The following THNSL1 variants were observed in gnomAD, a reference collection of about 807,000 sequenced individuals.
THNSL1 encodes the protein threonine synthase-like 1.
In THNSL1, 48 loss-of-function variants were observed where a neutral mutation model predicts 50.4. The ratio of observed to expected loss-of-function variants is 0.95; its 90% confidence interval spans 0.76 to 1.21. The LOEUF is 1.21. THNSL1 is among the 50% of genes most tolerant of loss of function. THNSL1 has a pLI of 0.00. For synonymous variants in THNSL1, 309 were observed against 306.1 expected (o/e 1.01, Z -0.10); for missense variants, 896 against 871.7 (o/e 1.03, Z -0.35).
chr10:24,996,558 C>T, the THNSL1 span, among the ~76,000 whole-genome samples: 1 of 151,996 alleles, frequency 6.6e-6, no homozygotes, highest in East Asian at 1.9e-4. Context: ...TCCCATTGAT[C>T]TATTTTAATA....
the THNSL1 span, among the ~76,000 whole-genome samples, chr10:25,001,680 T>C: frequency 2.6e-5 from 4 of 152,328 alleles, no homozygotes; most frequent in Middle Eastern, 3.4e-3. Context: ...CTACATTTTG[T>C]ATATGGTATT....
At chr10:25,021,090 GA>G (rs1850709619) in intron 1 of THNSL1, among the ~76,000 whole-genome samples, 1 of 152,178 alleles carries the variant, frequency 6.6e-6, no homozygotes, top group African/African-American at 2.4e-5. Context: ...GGTATTCTCT[GA>G]AGGTTTATAA....
intron 1 of THNSL1, among the ~76,000 whole-genome samples, chr10:25,017,466 G>T (rs1174558934): frequency 6.6e-6 from 1 of 152,064 alleles, no homozygotes; most frequent in African/African-American, 2.4e-5. Flanking sequence ...CTTGAGTCTG[G>T]GTTTCTCACT....
At chr10:24,963,222 T>C in the THNSL1 span, among the ~76,000 whole-genome samples, 3 of 152,228 alleles carry the variant, frequency 2.0e-5, no homozygotes, top group Non-Finnish European at 2.9e-5. Context: ...ATAGACAGAA[T>C]GCCTTAGCAA....
chr10:25,018,658 TG>T lies in THNSL1; in HGVS notation c.-216+1967del, dbSNP rs1286745652. Reference sequence around the variant, plus strand: ...GTGATGTACATAAACAAATGAGAGTTGTTTTTTTTTTTTTTTTTTTTGCGAA... The same window carrying T: ...GTGATGTACATAAACAAATGAGAGTTTTTTTTTTTTTTTTTTTTTTGCGAA... On this transcript the variant is annotated intron_variant, in intron 1 of 2. Transcript: ENST00000376356. 1.6e-3 allele frequency among the ~76,000 whole-genome samples: 182 copies of T among 113,844 alleles called. 4 individuals carry two copies. Among genetic ancestry groups the T allele is most frequent in the Middle Eastern group, 0.012 (3 of 244 alleles). 74.7% of individuals were successfully genotyped at this position (113,844 alleles called of 152,430 possible). A position where few individuals can be genotyped will look rare whatever the true frequency, so the allele number is the denominator to read the frequency against.
upstream of THNSL1, among the ~76,000 whole-genome samples, chr10:25,013,547 A>C (rs1050495528): frequency 6.6e-6 from 1 of 152,236 alleles, no homozygotes; most frequent in Admixed American, 6.5e-5. Context: ...TATGGAAAGG[A>C]GATAATGGTT....
the THNSL1 span, among the ~76,000 whole-genome samples, chr10:24,988,777 G>C: frequency 6.8e-6 from 1 of 146,968 alleles, no homozygotes; most frequent in Non-Finnish European, 1.5e-5. Context: ...AGATGATCCT[G>C]TCCAGGTATA....
At chr10:24,958,132 C>G in the THNSL1 span, among the ~76,000 whole-genome samples, 1 of 152,154 alleles carries the variant, frequency 6.6e-6, no homozygotes, top group Admixed American at 6.5e-5. Context: ...TCTTTCTGCA[C>G]TAGACTGGAA....
chr10:24,960,941 T>C, the THNSL1 span, among the ~76,000 whole-genome samples: 1 of 152,212 alleles, frequency 6.6e-6, no homozygotes, highest in Non-Finnish European at 1.5e-5. Flanking sequence ...CCTTCCTCAG[T>C]TGGGACTGTA....
At chr10:25,016,169 T>C, upstream of THNSL1, 1 of 1,192,836 alleles carries the variant, frequency 8.4e-7, no homozygotes, top group Non-Finnish European at 1.0e-6. Flanking sequence ...GCGGTTGCCG[T>C]GGAAACCGTT....
At chr10:24,990,358 A>G in the THNSL1 span, 1 of 1,425,514 alleles carries the variant, frequency 7.0e-7, no homozygotes, top group Non-Finnish European at 9.4e-7. Flanking sequence ...GATTGTTCTG[A>G]TTTCAAAATC....
the THNSL1 span, among the ~76,000 whole-genome samples, chr10:25,007,821 A>C: frequency 6.6e-6 from 1 of 152,074 alleles, no homozygotes; most frequent in Non-Finnish European, 1.5e-5. Context: ...TCCTTGCTGA[A>C]AAAAATCCTG....
At chr10:24,974,235 A>G in the THNSL1 span, among the ~76,000 whole-genome samples, 1 of 152,206 alleles carries the variant, frequency 6.6e-6, no homozygotes, top group African/African-American at 2.4e-5. Flanking sequence ...TCTTTTAAAC[A>G]TTTGAATAAA....
At chr10:25,012,660 A>T (rs1850478413), upstream of THNSL1, among the ~76,000 whole-genome samples, 1 of 152,196 alleles carries the variant, frequency 6.6e-6, no homozygotes, top group Non-Finnish European at 1.5e-5. Flanking sequence ...TCGAATGGTT[A>T]TATTTACCCA....
At chr10:24,977,050 C>T in the THNSL1 span, among the ~76,000 whole-genome samples, 1 of 152,090 alleles carries the variant, frequency 6.6e-6, no homozygotes, top group Admixed American at 6.5e-5. Context: ...TCAATGAAAG[C>T]ATTGCTTTCT....
At chr10:24,958,211 A>G in the THNSL1 span, among the ~76,000 whole-genome samples, 1 of 152,172 alleles carries the variant, frequency 6.6e-6, no homozygotes, top group East Asian at 1.9e-4. Context: ...AAAACCTTTC[A>G]GTCTGGGAAT....
At chr10:25,020,346 A>G (rs1850695242) in intron 1 of THNSL1, among the ~76,000 whole-genome samples, 1 of 152,062 alleles carries the variant, frequency 6.6e-6, no homozygotes, top group South Asian at 2.1e-4. Context: ...GTAGAGGGGA[A>G]CTAACATATA....
At chr10:25,016,149 C>A, upstream of THNSL1, 4 of 1,219,958 alleles carry the variant, frequency 3.3e-6, no homozygotes, top group Non-Finnish European at 4.1e-6. Context: ...TGCTAAGCGT[C>A]GTTGACTGTG....
rs753105385 is a variant in THNSL1, at chr10:25,023,453, A to G, written c.230A>G (p.Gln77Arg). 1.9e-6 allele frequency: 3 copies of G among 1,614,194 alleles called. No individual in the cohort carries two copies. The highest frequency in any genetic ancestry group is 2.5e-6 in the Non-Finnish European group (3 of 1,180,010). ...GKTTVGRIIG[Q>R]KLGCCVIDVD... The stretch of plus-strand genomic sequence containing the variant: ...ACAACAGTAGGCAGAATAATAGGTC[A>G]GAAACTAGGTTGTTGTGTCATAGAT... Residue 77 changes from glutamine to arginine, a missense_variant, in exon 3 of 3, where the codon CAG (glutamine) becomes CGG (arginine). Transcript: ENST00000376356.
Sources: gnomAD v4.1 joint callset for allele counts (sites outside exome capture counted in the v4.1 genomes callset) on GRCh38, gnomAD v4.1.1 for gene constraint, MANE v1.5 for transcripts, NCBI Gene and HGNC (gene_info 2026-07-23, HGNC 2026-07-21) for gene names.